The following ARID4B variants were observed in gnomAD, a reference collection of about 807,000 sequenced individuals.
ARID4B encodes AT-rich interactive domain-containing protein 4B.
In ARID4B, 26 loss-of-function variants were observed where a neutral mutation model predicts 147.5. That is an observed-to-expected ratio of 0.18 (90% CI 0.13 to 0.24). The LOEUF (loss-of-function observed/expected upper bound fraction) is 0.24. Ranked by LOEUF, ARID4B falls within the 10% of genes least tolerant of loss-of-function variation. The probability of loss-of-function intolerance (pLI) is 1.00; values close to 1 mark genes in which losing one functional copy is unlikely to be tolerated. For synonymous variants in ARID4B, 512 were observed against 507.9 expected (o/e 1.01, Z -0.11); for missense variants, 1,179 against 1,511.5 (o/e 0.78, Z 3.65).
At chr1:235,281,420 G>A (rs1006863291) in intron 2 of ARID4B, among the ~76,000 whole-genome samples, 5 of 152,118 alleles carry the variant, frequency 3.3e-5, no homozygotes, top group African/African-American at 4.8e-5. Context: ...GCGTGGTGGT[G>A]CATGCTTGTA....
intron 2 of ARID4B, among the ~76,000 whole-genome samples, chr1:235,298,874 C>T (rs962535025): frequency 1.3e-5 from 2 of 152,032 alleles, no homozygotes; most frequent in African/African-American, 4.8e-5. Context: ...TAAAAGCTGG[C>T]TTCAATCCAT....
intron 2 of ARID4B, among the ~76,000 whole-genome samples, chr1:235,316,232 G>A (rs918646345): frequency 6.6e-6 from 1 of 152,154 alleles, no homozygotes; most frequent in Non-Finnish European, 1.5e-5. Flanking sequence ...AATAAGTGGG[G>A]TGCAGTGGCT....
chr1:235,177,769 A>G (rs957167359), intron 21 of ARID4B, 31 bp downstream of exon 21: 71 of 1,442,766 alleles, frequency 4.9e-5, no homozygotes, highest in Non-Finnish European at 6.6e-5. Flanking sequence ...TATTATTTTT[A>G]TATTTTAAAA....
At chr1:235,213,537 A>C (rs936588313) in intron 17 of ARID4B, among the ~76,000 whole-genome samples, 1 of 152,172 alleles carries the variant, frequency 6.6e-6, no homozygotes, top group Non-Finnish European at 1.5e-5. Flanking sequence ...GTACATAAAA[A>C]TCAAGTGTGT....
At chr1:235,322,338 C>G (rs550858938) in intron 2 of ARID4B, among the ~76,000 whole-genome samples, 1 of 152,070 alleles carries the variant, frequency 6.6e-6, no homozygotes, top group Non-Finnish European at 1.5e-5. Context: ...TTTCGACTCC[C>G]TCACTCAGCT....
rs749329720 is a variant in ARID4B, at chr1:235,219,936, A to C, written c.1440T>G (p.Pro480=). 2 of 1,567,206 alleles carry C rather than the reference A, an allele frequency of 1.3e-6. No homozygotes were observed. Among genetic ancestry groups the C allele is most frequent in the Non-Finnish European group, 1.7e-6 (2 of 1,156,438 alleles). Reference sequence around the variant, plus strand: ...CTTCTTTTTCCTGATCAGAATGTGTAGGTATAGATTCTAATAAATTCTTTT... The same window carrying C: ...CTTCTTTTTCCTGATCAGAATGTGTCGGTATAGATTCTAATAAATTCTTTT... ...GSKKNLLESI[P]THSDQEKEVN... is the part of the protein sequence containing the mutation. The change falls in exon 16 of 24, where the codon CCT becomes CCG. Residue 480 remains proline (P), a synonymous_variant. Coordinates refer to ENST00000264183, the MANE Select transcript of ARID4B (RefSeq NM_016374.6).
At chr1:235,294,493 A>T (rs1572174307) in intron 2 of ARID4B, among the ~76,000 whole-genome samples, 1 of 7,340 alleles carries the variant, frequency 1.4e-4, no homozygotes, top group African/African-American at 4.9e-4. Flanking sequence ...TCCCGCTTGA[A>T]CCCAGGGGTT....
chr1:235,169,819 G>T (rs570293974), intron 23 of ARID4B, among the ~76,000 whole-genome samples: 40 of 151,840 alleles, frequency 2.6e-4, no homozygotes, highest in Non-Finnish European at 4.6e-4. Flanking sequence ...GCGCCACCAT[G>T]TCCGGCTAAT....
At chr1:235,209,520 A>G (rs1348412209) in intron 17 of ARID4B, among the ~76,000 whole-genome samples, 1 of 152,078 alleles carries the variant, frequency 6.6e-6, no homozygotes, top group Non-Finnish European at 1.5e-5. Flanking sequence ...GAAAAAAAAG[A>G]AAAATGTAAA....
At chr1:235,227,420 T>C (rs1453015427) in intron 11 of ARID4B, among the ~76,000 whole-genome samples, 2 of 152,174 alleles carry the variant, frequency 1.3e-5, no homozygotes, top group Non-Finnish European at 2.9e-5. Flanking sequence ...ACATTATACA[T>C]TGTCATTACA....
intron 2 of ARID4B, among the ~76,000 whole-genome samples, chr1:235,319,467 C>A (rs542125128): frequency 6.6e-6 from 1 of 152,050 alleles, no homozygotes; most frequent in Non-Finnish European, 1.5e-5. Flanking sequence ...GCTGTGATTG[C>A]GCCACTACAC....
intron 2 of ARID4B, among the ~76,000 whole-genome samples, chr1:235,319,220 T>G (rs1674649109): frequency 6.6e-6 from 1 of 152,232 alleles, no homozygotes; most frequent in Admixed American, 6.5e-5. Flanking sequence ...ATGAACACTT[T>G]AAAAAGGTGA....
intron 2 of ARID4B, among the ~76,000 whole-genome samples, chr1:235,295,010 ATTT>A (rs982961360): frequency 1.1e-4 from 16 of 151,290 alleles, no homozygotes; most frequent in South Asian, 2.1e-4. Flanking sequence ...TTAAAATATT[ATTT>A]TTTATTAAAA....
rs560071615 is a variant in ARID4B at position 235,315,562 on chromosome 1, T to C, written c.6+11352A>G. Among the ~76,000 whole-genome samples the C allele has an allele frequency of 1.3e-3, 194 of 152,376 alleles. 1 individual carries two copies. Among genetic ancestry groups the C allele is most frequent in the African/African-American group, 4.6e-3 (190 of 41,596 alleles). Reference sequence around the variant, plus strand: ...AGGTAAATTTGTAACTTAAAAGTGATATACCCTATTTTCTTCCTTATAAAT... The same window carrying C: ...AGGTAAATTTGTAACTTAAAAGTGACATACCCTATTTTCTTCCTTATAAAT... On this transcript the variant is annotated intron_variant, in intron 2 of 23. Coordinates refer to ENST00000264183, the MANE Select transcript of ARID4B (RefSeq NM_016374.6).
At chr1:235,246,324 T>G in intron 7 of ARID4B, 96 bp downstream of exon 7, 1 of 973,788 alleles carries the variant, frequency 1.0e-6, no homozygotes, top group Non-Finnish European at 1.6e-6. Flanking sequence ...TAGATCTGGT[T>G]AGCATTTTGC....
rs960300833 is a variant in ARID4B, at chr1:235,195,342, C to T, written c.1926+689G>A. 3.9e-5 allele frequency among the ~76,000 whole-genome samples: 6 copies of T among 152,156 alleles called. No individual in the cohort carries two copies. The South Asian group carries it at 8.3e-4, about 21-fold the overall frequency. On this transcript the variant is annotated intron_variant, in intron 18 of 23. Transcript: ENST00000264183. ...GCGTGGTGGCTCACACCTATAATCC[C>T]GGCATTTTGGGAGGCCAAGGCGGGC...
At chr1:235,255,120 T>C (rs1669869120) in intron 5 of ARID4B, among the ~76,000 whole-genome samples, 2 of 151,786 alleles carry the variant, frequency 1.3e-5, no homozygotes. Flanking sequence ...CCAGCATTTA[T>C]TGTAATAGTA....
chr1:235,211,712 G>A (rs1209676039), intron 17 of ARID4B, among the ~76,000 whole-genome samples: 1 of 152,116 alleles, frequency 6.6e-6, no homozygotes, highest in African/African-American at 2.4e-5. Context: ...TGGGACTACA[G>A]GCATGCAACA....
At chr1:235,318,168 CTTTTTTTT>C (rs372816686) in intron 2 of ARID4B, among the ~76,000 whole-genome samples, 6 of 111,986 alleles carry the variant, frequency 5.4e-5, no homozygotes, top group Non-Finnish European at 8.7e-5. Context: ...CTTGCTACTC[CTTTTTTTT>C]TTTTTTTTTT....
Sources: allele counts gnomAD v4.1 joint callset (sites outside exome capture counted in the v4.1 genomes callset), GRCh38; gene constraint gnomAD v4.1.1; transcripts MANE v1.5; gene names NCBI Gene and HGNC (gene_info 2026-07-23, HGNC 2026-07-21).